The following PCDHGA8 variants were observed in gnomAD, a reference collection of about 807,000 sequenced individuals.
PCDHGA8 encodes protocadherin gamma-A8.
A neutral mutation model predicts 59.2 loss-of-function variants in PCDHGA8; 45 were observed. The ratio of observed to expected loss-of-function variants is 0.76; its 90% confidence interval spans 0.60 to 0.98. PCDHGA8 has a LOEUF of 0.98. Ranked by LOEUF, PCDHGA8 falls within the 50% of genes least tolerant of loss-of-function variation. The probability of loss-of-function intolerance (pLI) is 0.00; values close to 1 mark genes in which losing one functional copy is unlikely to be tolerated. For synonymous variants in PCDHGA8, 531 were observed against 519.0 expected (o/e 1.02, Z -0.32); for missense variants, 1,257 against 1,196.2 (o/e 1.05, Z -0.75).
At chr5:141,422,459 T>C (rs1368153179) in intron 1 of PCDHGA8, 1 of 1,613,448 alleles carries the variant, frequency 6.2e-7, no homozygotes, top group South Asian at 1.1e-5. Context: ...AGCAGAGTGC[T>C]GGACAGGGAG....
At position 141,432,673 on chromosome 5, in the gene PCDHGA8, C is replaced by A. The variant is rs770930842; in HGVS notation, c.2424+37436C>A. 5 of 1,613,922 alleles carry A rather than the reference C, an allele frequency of 3.1e-6. No homozygotes were observed. Among genetic ancestry groups the A allele is most frequent in the Non-Finnish European group, 4.2e-6 (5 of 1,179,960 alleles). On this transcript the variant is annotated intron_variant, in intron 1 of 3. Coordinates refer to ENST00000398604, the MANE Select transcript of PCDHGA8 (RefSeq NM_032088.2). This position sits in a 1 kb window ranked among gnomAD's most constrained non-coding sequence, Gnocchi z 6.0. ...GAGCCCTGCTGGACAGAGACGCGCTCAAGCAGAGCCTCGTAGTGGCCGTCC... is the reference window on the plus strand; with the variant it reads ...GAGCCCTGCTGGACAGAGACGCGCTAAAGCAGAGCCTCGTAGTGGCCGTCC...
chr5:141,491,022 C>T lies in PCDHGA8; in HGVS notation c.2425-3785C>T, dbSNP rs1431293281. 6.8e-6 allele frequency: 11 copies of T among 1,614,116 alleles called. No homozygotes were observed. Among genetic ancestry groups the T allele is most frequent in the East Asian group, 2.2e-5 (1 of 44,886 alleles). On this transcript the variant is annotated intron_variant, in intron 1 of 3. Coordinates refer to ENST00000398604, the MANE Select transcript of PCDHGA8 (RefSeq NM_032088.2). The surrounding 1 kb of genome is among the most constrained non-coding windows in gnomAD (Gnocchi z 6.9). ...GCTCCTTGGTCACCAAGGTGACAGCCGTGGATGCTGATGCAGGCCACAATG... is the reference window on the plus strand; with the variant it reads ...GCTCCTTGGTCACCAAGGTGACAGCTGTGGATGCTGATGCAGGCCACAATG...
At chr5:141,411,341 G>A (rs903980826) in intron 1 of PCDHGA8, 4 of 152,064 alleles carry the variant, frequency 2.6e-5, no homozygotes, top group Admixed American at 6.5e-5. Context: ...AGGCTGAATC[G>A]GAAAGTATCA....
intron 1 of PCDHGA8, chr5:141,410,801 A>T: frequency 3.4e-6 from 2 of 587,936 alleles, no homozygotes; most frequent in South Asian, 3.5e-5. Context: ...AAGTTGCTCT[A>T]TCTTTTTGTA....
At chr5:141,410,049 T>A in intron 1 of PCDHGA8, 1 of 1,613,184 alleles carries the variant, frequency 6.2e-7, no homozygotes, top group Admixed American at 1.7e-5. Flanking sequence ...GAGCCCGGAC[T>A]CTTCAGCCTG....
intron 1 of PCDHGA8, among the ~76,000 whole-genome samples, chr5:141,443,780 A>G (rs1337883957): frequency 6.6e-6 from 1 of 152,202 alleles, no homozygotes; most frequent in Non-Finnish European, 1.5e-5. Flanking sequence ...TACCAAAAAG[A>G]CAAAAAAAAT....
At chr5:141,492,189 G>A (rs2099737936) in intron 1 of PCDHGA8, among the ~76,000 whole-genome samples, 1 of 152,204 alleles carries the variant, frequency 6.6e-6, no homozygotes, top group East Asian at 1.9e-4. Flanking sequence ...GCACCTGTCT[G>A]CGGGACTTAG....
At chr5:141,478,617 G>T in intron 1 of PCDHGA8, 1 of 1,556,398 alleles carries the variant, frequency 6.4e-7, no homozygotes, top group South Asian at 1.2e-5. Context: ...AGGAAGGAAT[G>T]GAGCTGTTTT....
chr5:141,473,377 C>T (rs2099320819), intron 1 of PCDHGA8, among the ~76,000 whole-genome samples: 1 of 152,202 alleles, frequency 6.6e-6, no homozygotes, highest in Admixed American at 6.5e-5. Flanking sequence ...TAGCATGGTC[C>T]CTGCCCTCCT....
In PCDHGA8 at chr5:141,503,604, A is replaced by G. The variant is rs189211439; in HGVS notation, c.2484-1789A>G. 5.2e-3 allele frequency among the ~76,000 whole-genome samples: 793 copies of G among 151,946 alleles called. 3 individuals carry two copies. The highest frequency in any genetic ancestry group is 8.3e-3 in the Non-Finnish European group (566 of 67,924). On this transcript the variant is annotated intron_variant, in intron 2 of 3. Coordinates refer to ENST00000398604, the MANE Select transcript of PCDHGA8 (RefSeq NM_032088.2). ...ACAGAGCGAGACTCCAGCTCAAAAA[A>G]AAAAAAAAAAGAAAAAAGAAAAGAA...
At chr5:141,422,328 T>C (rs1561800810) in intron 1 of PCDHGA8, 4 of 1,548,502 alleles carry the variant, frequency 2.6e-6, no homozygotes, top group Non-Finnish European at 2.6e-6. Flanking sequence ...GTACAGTGAT[T>C]GCTCTTCTAA....
At chr5:141,502,082 G>A (rs538827992) in intron 2 of PCDHGA8, among the ~76,000 whole-genome samples, 1 of 152,252 alleles carries the variant, frequency 6.6e-6, no homozygotes, top group Non-Finnish European at 1.5e-5. Flanking sequence ...ACCTGGGGCT[G>A]AGAACACCTG....
intron 1 of PCDHGA8, chr5:141,478,196 C>T: frequency 6.2e-7 from 1 of 1,614,068 alleles, no homozygotes; most frequent in Middle Eastern, 1.6e-4. Context: ...CACCTTTTAT[C>T]TACTTCTTTC....
intron 1 of PCDHGA8, chr5:141,418,920 A>G: frequency 6.2e-7 from 1 of 1,613,992 alleles, no homozygotes; most frequent in Non-Finnish European, 8.5e-7. Flanking sequence ...TCACTCTCTG[A>G]TCAGATTATG....
chr5:141,502,037 C>T (rs2154593041), intron 2 of PCDHGA8, among the ~76,000 whole-genome samples: 1 of 152,302 alleles, frequency 6.6e-6, no homozygotes, highest in East Asian at 1.9e-4. Context: ...CGCCGCTTGC[C>T]TGCTCTCCCT....
At chr5:141,409,590 A>G (rs755702950) in intron 1 of PCDHGA8, 1 of 1,613,898 alleles carries the variant, frequency 6.2e-7, no homozygotes, top group Non-Finnish European at 8.5e-7. Context: ...CACGTGGCCG[A>G]GAACAACCCG....
chr5:141,399,283 G>A, intron 1 of PCDHGA8: 2 of 1,613,888 alleles, frequency 1.2e-6, no homozygotes, highest in Non-Finnish European at 1.7e-6. Flanking sequence ...ACAAGGCGAA[G>A]TCCCTTTTAA....
intron 1 of PCDHGA8, among the ~76,000 whole-genome samples, chr5:141,430,346 C>G (rs1191705310): frequency 6.8e-6 from 1 of 148,074 alleles, no homozygotes; most frequent in Non-Finnish European, 1.5e-5. Context: ...ACTTCCAATT[C>G]ATTTAAAAGC....
At chr5:141,404,762 C>T (rs1466259455) in intron 1 of PCDHGA8, 1 of 1,613,828 alleles carries the variant, frequency 6.2e-7, no homozygotes, top group East Asian at 2.2e-5. Flanking sequence ...GAATGCTTGG[C>T]TCTCCTACCG....
Sources: gnomAD v4.1 joint callset for allele counts (sites outside exome capture counted in the v4.1 genomes callset) on GRCh38, gnomAD v4.1.1 for gene constraint, Gnocchi (gnomAD v3.1) non-coding constraint, MANE v1.5 for transcripts, NCBI Gene and HGNC (gene_info 2026-07-23, HGNC 2026-07-21) for gene names.